HDAC9: variants seen among roughly 807,000 people sequenced by gnomAD.
HDAC9 encodes MEF-2 interacting transcription repressor (MITR) protein.
Under a neutral mutation model 139.4 loss-of-function variants are expected in HDAC9, and 41 were observed. That is an observed-to-expected ratio of 0.29 (90% CI 0.23 to 0.38). The LOEUF (loss-of-function observed/expected upper bound fraction) is 0.38, where lower values mean the gene tolerates loss of function less well. Among genes scored for constraint, HDAC9 ranks in the 10% least tolerant of loss-of-function variants. The probability of loss-of-function intolerance (pLI) is 1.00; values close to 1 mark genes in which losing one functional copy is unlikely to be tolerated. For synonymous variants in HDAC9, 517 were observed against 476.2 expected (o/e 1.09, Z -1.12); for missense variants, 1,147 against 1,297.0 (o/e 0.88, Z 1.78).
chr7:18,432,685 C>T (rs573904255), intron 1 of HDAC9, among the ~76,000 whole-genome samples: 2 of 152,296 alleles, frequency 1.3e-5, no homozygotes, highest in Non-Finnish European at 1.5e-5. Flanking sequence ...CTGTGGCTCA[C>T]GCCTGTAATC....
At chr7:18,436,920 G>C (rs1481703798) in intron 1 of HDAC9, among the ~76,000 whole-genome samples, 1 of 152,160 alleles carries the variant, frequency 6.6e-6, no homozygotes, top group African/African-American at 2.4e-5. Flanking sequence ...CTAACAGATA[G>C]CATGAATACA....
chr7:18,169,459 T>TA (rs1295867731), intron 2 of HDAC9, among the ~76,000 whole-genome samples: 1 of 152,042 alleles, frequency 6.6e-6, no homozygotes, highest in Non-Finnish European at 1.5e-5. Context: ...CAGTTTTTTT[T>TA]TCTTTTTTTT....
intron 15 of HDAC9, among the ~76,000 whole-genome samples, chr7:18,762,750 T>C (rs2129157483): frequency 6.6e-6 from 1 of 152,324 alleles, no homozygotes; most frequent in South Asian, 2.1e-4. Context: ...CTACATTCTA[T>C]AGCAAGATTG....
intron 1 of HDAC9, among the ~76,000 whole-genome samples, chr7:18,438,074 T>TTA (rs942721678): frequency 6.7e-6 from 1 of 150,300 alleles, no homozygotes; most frequent in Non-Finnish European, 1.5e-5. Context: ...TATATAAAGT[T>TTA]TATATATATA....
intron 2 of HDAC9, among the ~76,000 whole-genome samples, chr7:18,570,399 C>A (rs1307524335): frequency 6.6e-6 from 1 of 152,102 alleles, no homozygotes; most frequent in African/African-American, 2.4e-5. Flanking sequence ...ACACATATCT[C>A]TGTGGAATAT....
intron 2 of HDAC9, among the ~76,000 whole-genome samples, chr7:18,222,309 A>T (rs1246271810): frequency 6.6e-6 from 1 of 152,138 alleles, no homozygotes; most frequent in Non-Finnish European, 1.5e-5. Context: ...TAGTTCTTTT[A>T]AAAAGGAAGT....
upstream of HDAC9, among the ~76,000 whole-genome samples, chr7:18,286,556 A>G (rs1320328707): frequency 2.6e-5 from 4 of 151,912 alleles, no homozygotes; most frequent in East Asian, 3.9e-4. Flanking sequence ...TTCTAGTTAC[A>G]TATTTCTAAT....
chr7:18,498,198 A>C (rs1014886019), intron 2 of HDAC9, among the ~76,000 whole-genome samples: 1 of 152,060 alleles, frequency 6.6e-6, no homozygotes, highest in African/African-American at 2.4e-5. Context: ...AAACAATTAC[A>C]CCCTTCCTGC....
rs909450575 is a variant in HDAC9 at position 18,924,430 on chromosome 7, C to T, written c.2804-11379C>T. 5.5e-4 allele frequency among the ~76,000 whole-genome samples: 83 copies of T among 151,928 alleles called. 1 individual carries two copies. Among genetic ancestry groups the T allele is most frequent in the African/African-American group, 1.9e-3 (80 of 41,380 alleles). On this transcript the variant is annotated intron_variant, in intron 22 of 25. Transcript: ENST00000686413. The stretch of plus-strand genomic sequence containing the variant: ...TACAATTCGGAGGGTTCCTGAACCT[C>T]GACTTATGGCAGGAAAAATAAGAAG...
At chr7:18,967,757 A>G (rs1406706522) in intron 24 of HDAC9, among the ~76,000 whole-genome samples, 2 of 152,186 alleles carry the variant, frequency 1.3e-5, no homozygotes, top group Non-Finnish European at 2.9e-5. Flanking sequence ...TTGATATTCT[A>G]CCAATGAAAA....
rs746089054 is a variant in HDAC9, at chr7:18,273,056, G to GTTTTTTT, written c.25+110728_25+110734dup. On this transcript the variant is annotated intron_variant, in intron 2 of 12. Coordinates refer to the HDAC9 transcript ENST00000417496. ...CCTCTTCCCCTTCTTCCCCTTCTTCGTTTTTTTTTTTTTTTTTTTTTTTTT... is the reference window on the plus strand; with the variant it reads ...CCTCTTCCCCTTCTTCCCCTTCTTCGTTTTTTTTTTTTTTTTTTTTTTTTTTTTTTTT... 1.3e-4 allele frequency among the ~76,000 whole-genome samples: 11 copies of GTTTTTTT among 84,770 alleles called. 1 individual carries two copies. The highest frequency in any genetic ancestry group is 3.0e-4 in the African/African-American group (5 of 16,684). 55.6% of individuals were successfully genotyped at this position (84,770 alleles called of 152,430 possible). A position where few individuals can be genotyped will look rare whatever the true frequency, so the allele number is the denominator to read the frequency against.
chr7:18,306,010 G>T (rs1049286033), intron 1 of HDAC9, among the ~76,000 whole-genome samples: 1 of 152,312 alleles, frequency 6.6e-6, no homozygotes, highest in South Asian at 2.1e-4. Context: ...CTGAGACATG[G>T]AATGAAGTGT....
chr7:18,334,014 A>T (rs144061072), intron 1 of HDAC9, among the ~76,000 whole-genome samples: 2 of 151,540 alleles, frequency 1.3e-5, no homozygotes, highest in African/African-American at 4.8e-5. Context: ...ATAATTTCAG[A>T]GTAGAAAAAT....
intron 2 of HDAC9, among the ~76,000 whole-genome samples, chr7:18,545,639 C>A (rs1457567888): frequency 2.0e-5 from 3 of 152,130 alleles, no homozygotes; most frequent in African/African-American, 7.2e-5. Context: ...TTTATATCTG[C>A]AGCACCCAAA....
rs1357913154 is a variant in HDAC9, at chr7:18,874,687, A to G, written c.2803+91A>G. 3 of 719,768 alleles carry G rather than the reference A, an allele frequency of 4.2e-6. No homozygotes were observed. The African/African-American group carries it at 5.3e-5, about 13-fold the overall frequency. 44.6% of individuals were successfully genotyped at this position (719,768 alleles called of 1,614,324 possible). The stretch of plus-strand genomic sequence containing the variant: ...TAGACACCACCTTTTACATGTGTCC[A>G]GTAAACTTGGGTGAGACATTTGAAA... On this transcript the variant is annotated intron_variant, in intron 22 of 25. Transcript: ENST00000686413.
intron 6 of HDAC9, among the ~76,000 whole-genome samples, chr7:18,616,934 A>AT (rs2128927851): frequency 6.6e-6 from 1 of 152,330 alleles, no homozygotes; most frequent in South Asian, 2.1e-4. Flanking sequence ...AGTAACAGTA[A>AT]TTAGACGTTT....
chr7:18,739,528 A>G (rs760495145), intron 13 of HDAC9, among the ~76,000 whole-genome samples: 7 of 152,144 alleles, frequency 4.6e-5, no homozygotes, highest in Non-Finnish European at 8.8e-5. Flanking sequence ...TCCCTCAGCT[A>G]CAGGTCTGTT....
At chr7:18,412,583 G>A (rs1386780904) in intron 1 of HDAC9, among the ~76,000 whole-genome samples, 1 of 152,196 alleles carries the variant, frequency 6.6e-6, no homozygotes, top group Non-Finnish European at 1.5e-5. Flanking sequence ...GGATCCGGCA[G>A]TTCAGATGTG....
At chr7:18,873,905 T>C (rs77125007) in intron 21 of HDAC9, among the ~76,000 whole-genome samples, 2,068 of 152,256 alleles carry the variant, frequency 0.014, 17 homozygotes, top group South Asian at 0.018. Flanking sequence ...TGTCTGACTT[T>C]GGACTCACTT....
Sources: gnomAD v4.1 joint callset for allele counts (sites outside exome capture counted in the v4.1 genomes callset) on GRCh38, gnomAD v4.1.1 for gene constraint, MANE v1.5 for transcripts, NCBI Gene and HGNC (gene_info 2026-07-23, HGNC 2026-07-21) for gene names.